Variants in TMOD1 observed in about 807,000 individuals in gnomAD.
TMOD1 encodes the protein tropomodulin-1.
TMOD1 carries 17 observed loss-of-function variants against 40.6 expected under a neutral mutation model. The observed-to-expected ratio is 0.42, with a 90% CI of 0.29 to 0.63. The LOEUF (loss-of-function observed/expected upper bound fraction) is 0.63. Among genes scored for constraint, TMOD1 ranks in the 20% least tolerant of loss-of-function variants. TMOD1 has a pLI of 0.22. For missense variants in TMOD1, 391 were observed against 447.6 expected (o/e 0.87, Z 1.14); for synonymous variants, 181 against 175.0 (o/e 1.03, Z -0.27).
intron 1 of TMOD1, among the ~76,000 whole-genome samples, chr9:97,514,361 G>A (rs986127215): frequency 8.7e-5 from 13 of 149,580 alleles, no homozygotes; most frequent in South Asian, 2.1e-4. Context: ...CAAGTGATCC[G>A]TCCGCCTTGG....
rs1830589569 is a variant in TMOD1 at position 97,559,771 on chromosome 9, T to TAAAAAA, written c.398-2961_398-2960insAAAAAA. ...CAGAGCGAGACTCCGCCTCAAAAAT[T>TAAAAAA]TAAAAAAAAAAAAAAAAAAAAAAAT... On this transcript the variant is annotated intron_variant, in intron 4 of 9. Transcript: ENST00000259365. 3.5e-4 allele frequency among the ~76,000 whole-genome samples: 22 copies of TAAAAAA among 63,324 alleles called. 2 individuals are homozygous for TAAAAAA. In the East Asian group the frequency reaches 5.6e-3, roughly 16 times the overall value. 41.5% of individuals were successfully genotyped at this position (63,324 alleles called of 152,430 possible). A position where few individuals can be genotyped will look rare whatever the true frequency, so the allele number is the denominator to read the frequency against.
intron 1 of TMOD1, among the ~76,000 whole-genome samples, chr9:97,504,684 G>A (rs537635634): frequency 4.6e-5 from 7 of 152,286 alleles, no homozygotes; most frequent in African/African-American, 1.7e-4. Context: ...GATGGAGGAT[G>A]GTGATGGGCT....
intron 1 of TMOD1, among the ~76,000 whole-genome samples, chr9:97,504,127 G>C (rs35458923): frequency 0.21 from 31,199 of 152,116 alleles, 3,780 homozygotes; most frequent in Non-Finnish European, 0.27. Context: ...CAGTGACCCA[G>C]CCTGTCTGAG....
At chr9:97,579,448 T>G (rs1477821479) in intron 8 of TMOD1, among the ~76,000 whole-genome samples, 2 of 152,166 alleles carry the variant, frequency 1.3e-5, no homozygotes, top group Admixed American at 1.3e-4. Context: ...AGTGGCTATT[T>G]GTTTGCTGGT....
In TMOD1 at chr9:97,546,376, C is replaced by A. The variant is rs768888576; in HGVS notation, c.277+35C>A. 3 of 1,599,106 alleles carry A rather than the reference C, an allele frequency of 1.9e-6. No individual in the cohort carries two copies. The South Asian group carries it at 3.4e-5, about 18-fold the overall frequency. ...AATGTTACTGTTATAATATGCCACT[C>A]CCCATGCACCATTGAGTGCCGACTG... On this transcript the variant is annotated intron_variant, in intron 3 of 9. Transcript: ENST00000259365.
rs1226928532 is a variant in TMOD1 at position 97,600,400 on chromosome 9, T to C, written c.*702T>C. ...CCCAGGCAACAAACATGTCCCTGAGTGTTCTTTAAGAACATTTGGGATTTA... is the reference window on the plus strand; with the variant it reads ...CCCAGGCAACAAACATGTCCCTGAGCGTTCTTTAAGAACATTTGGGATTTA... On this transcript the variant is annotated 3_prime_UTR_variant, in exon 10 of 10. Transcript: ENST00000259365. 9.1e-6 allele frequency: 9 copies of C among 985,770 alleles called. No individual in the cohort carries two copies. Among genetic ancestry groups the C allele is most frequent in the Non-Finnish European group, 1.1e-5 (9 of 830,162 alleles). 61.1% of individuals were successfully genotyped at this position (985,770 alleles called of 1,614,324 possible). A position where few individuals can be genotyped will look rare whatever the true frequency, so the allele number is the denominator to read the frequency against.
At chr9:97,501,287 TTAGCTGGCTTTGGTCCATCACTTCTGG>T (rs1260857356), upstream of TMOD1, 1 of 152,208 alleles carries the variant, frequency 6.6e-6, no homozygotes, top group Non-Finnish European at 1.5e-5. Flanking sequence ...CAGCAGCTGC[TTAGCTGGCTTTGGTCCATCACTTCTGG>T]GGACTTCAGA....
chr9:97,514,281 T>C (rs1409718875), intron 1 of TMOD1, among the ~76,000 whole-genome samples: 3 of 150,616 alleles, frequency 2.0e-5, no homozygotes, highest in Non-Finnish European at 3.0e-5. Flanking sequence ...TTTTCTTTTT[T>C]TTTTTTTTGT....
At chr9:97,535,968 G>C (rs912087278) in intron 2 of TMOD1, among the ~76,000 whole-genome samples, 1 of 152,132 alleles carries the variant, frequency 6.6e-6, no homozygotes, top group Admixed American at 6.5e-5. Flanking sequence ...TGTCTGGAGG[G>C]GGTGGGGCTC....
chr9:97,575,233 G>C (rs1442501240), intron 8 of TMOD1, among the ~76,000 whole-genome samples: 1 of 151,608 alleles, frequency 6.6e-6, no homozygotes, highest in East Asian at 1.9e-4. Flanking sequence ...AACTCCAGAG[G>C]CTCCGCCTTA....
intron 8 of TMOD1, among the ~76,000 whole-genome samples, chr9:97,576,439 G>A (rs1427925266): frequency 1.3e-5 from 2 of 152,068 alleles, no homozygotes. Flanking sequence ...GGGCAACAGA[G>A]TGAGACACAG....
chr9:97,524,497 G>GGTGTGTGTGTGTGTGTGTGTGTGT (rs71369515), intron 2 of TMOD1, among the ~76,000 whole-genome samples, 189 bp downstream of exon 2: 26 of 143,028 alleles, frequency 1.8e-4, no homozygotes, highest in African/African-American at 6.2e-4. Context: ...GAACCAATAG[G>GGTGTGTGTGTGTGTGTGTGTGTGT]GTGTGTGTGT....
chr9:97,554,746 GGCACCA>G (rs981740426), intron 4 of TMOD1, among the ~76,000 whole-genome samples: 6 of 152,020 alleles, frequency 3.9e-5, no homozygotes, highest in South Asian at 2.1e-4. Flanking sequence ...GAGGTGGGAG[GGCACCA>G]GCACCAGCAC....
chr9:97,588,723 A>G (rs1437298311), intron 8 of TMOD1, among the ~76,000 whole-genome samples: 2 of 152,200 alleles, frequency 1.3e-5, no homozygotes, highest in Non-Finnish European at 2.9e-5. Flanking sequence ...ATATTTATTT[A>G]GGTCTTATTT....
intron 1 of TMOD1, among the ~76,000 whole-genome samples, chr9:97,515,336 A>C (rs1337092034): frequency 6.6e-6 from 1 of 152,032 alleles, no homozygotes; most frequent in East Asian, 1.9e-4. Context: ...CTGGAGTGCA[A>C]TGGCATGATC....
chr9:97,586,704 G>A (rs1471313159), intron 8 of TMOD1, among the ~76,000 whole-genome samples: 2 of 150,080 alleles, frequency 1.3e-5, no homozygotes, highest in Non-Finnish European at 2.9e-5. Flanking sequence ...ATATAATCTC[G>A]TGGTGCGCCA....
At chr9:97,545,852 G>A (rs2131246558) in intron 2 of TMOD1, among the ~76,000 whole-genome samples, 1 of 152,244 alleles carries the variant, frequency 6.6e-6, no homozygotes, top group East Asian at 1.9e-4. Flanking sequence ...CTCTTTCAGT[G>A]CCCTCTGTGC....
Position 97,601,144 on chromosome 9 carries a change from C to T in TMOD1, c.*1446C>T, listed in dbSNP as rs1473424709. The stretch of plus-strand genomic sequence containing the variant: ...GGCTGCACATGGCCCAGGAGTGGCA[C>T]CATGTTGCAGGGACAACCATCCCCA... On this transcript the variant is annotated 3_prime_UTR_variant, in exon 10 of 10. Coordinates refer to ENST00000259365, the MANE Select transcript of TMOD1 (RefSeq NM_003275.4). 3.1e-6 allele frequency: 4 copies of T among 1,303,748 alleles called. No individual in the cohort carries two copies. The highest frequency in any genetic ancestry group is 2.3e-5 in the Admixed American group (1 of 43,436). The allele number at this position is 1,303,748 out of a possible 1,614,324, so 80.8% of individuals were successfully genotyped here. A position where few individuals can be genotyped will look rare whatever the true frequency, so the allele number is the denominator to read the frequency against.
chr9:97,538,469 C>A (rs1222833193), intron 2 of TMOD1, among the ~76,000 whole-genome samples: 2 of 149,232 alleles, frequency 1.3e-5, no homozygotes, highest in Non-Finnish European at 1.5e-5. Context: ...GAACTAACTA[C>A]AAAAAAAAAA....
Sources: allele counts gnomAD v4.1 joint callset (sites outside exome capture counted in the v4.1 genomes callset), GRCh38; gene constraint gnomAD v4.1.1; transcripts MANE v1.5; gene names NCBI Gene and HGNC (gene_info 2026-07-23, HGNC 2026-07-21).